Variants in TARS1 observed in about 807,000 individuals in gnomAD.
TARS1 encodes the protein threonyl-tRNA synthetase 1.
Under a neutral mutation model 97.7 loss-of-function variants are expected in TARS1, and 57 were observed. The observed-to-expected ratio is 0.58, with a 90% CI of 0.47 to 0.73. The LOEUF (loss-of-function observed/expected upper bound fraction) is 0.73, where lower values mean the gene tolerates loss of function less well. Among genes scored for constraint, TARS1 ranks in the 30% least tolerant of loss-of-function variants. The pLI, the probability that TARS1 is intolerant of heterozygous loss-of-function variation, is 0.00. For synonymous variants in TARS1, 312 were observed against 293.7 expected (o/e 1.06, Z -0.64); for missense variants, 806 against 888.3 (o/e 0.91, Z 1.18).
In TARS1 at chr5:33,456,082, G is replaced by A; in HGVS notation, c.758+16G>A. ...CAGTCTATAGGTAAGAATATTAGAT[G>A]TCATTAAATGTATCTGGTATGTATG... On this transcript the variant is annotated intron_variant, in intron 7 of 18. Coordinates refer to ENST00000265112, the MANE Select transcript of TARS1 (RefSeq NM_152295.5). 6.2e-7 allele frequency: 1 copy of A among 1,612,326 alleles called. No individual in the cohort carries two copies. Among genetic ancestry groups the A allele is most frequent in the Middle Eastern group, 1.7e-4 (1 of 6,050 alleles).
rs751129523 is a variant in TARS1, at chr5:33,456,219, A to T, written c.829A>T (p.Ile277Leu). Residue 277 changes from isoleucine (I) to leucine (L), a missense_variant, in exon 8 of 19, where the codon ATA becomes TTA. Physicochemically the swap from Ile to Leu is conservative, Grantham distance 5. Around this residue, in one of 3 missense-constraint regions of TARS1, gnomAD observed 356 missense variants for 357.8 expected, o/e 0.99. Coordinates refer to ENST00000265112, the MANE Select transcript of TARS1 (RefSeq NM_152295.5). ...RHTGKIKALK[I>L]HKNSSTYWEG... ...CACGGGCAAAATTAAGGCTTTAAAAATACACAAAGTAAGTAATGTAACTTT... is the reference window on the plus strand; with the variant it reads ...CACGGGCAAAATTAAGGCTTTAAAATTACACAAAGTAAGTAATGTAACTTT... 1.9e-6 allele frequency: 3 copies of T among 1,612,422 alleles called. No homozygotes were observed. The highest frequency in any genetic ancestry group is 1.7e-6 in the Non-Finnish European group (2 of 1,178,598).
At chr5:33,462,269 C>T (rs973843860) in intron 16 of TARS1, 66 bp downstream of exon 16, 30 of 1,377,032 alleles carry the variant, frequency 2.2e-5, no homozygotes, top group Middle Eastern at 2.5e-4. Context: ...GTCTACTTTT[C>T]GATTTAATTA....
intron 11 of TARS1, 129 bp downstream of exon 11, chr5:33,459,990 T>A: frequency 2.1e-6 from 2 of 958,814 alleles, no homozygotes; most frequent in Non-Finnish European, 3.0e-6. Flanking sequence ...AAACGCAACA[T>A]CTTTGTATTA....
intron 16 of TARS1, among the ~76,000 whole-genome samples, chr5:33,462,989 A>T (rs959593965): frequency 6.6e-6 from 1 of 152,240 alleles, no homozygotes; most frequent in Non-Finnish European, 1.5e-5. Context: ...TCAAAGTCAG[A>T]TAAAATGTGA....
chr5:33,441,220 G>C (rs1741075859), intron 1 of TARS1, 77 bp downstream of exon 1: 1 of 1,578,992 alleles, frequency 6.3e-7, no homozygotes, highest in Non-Finnish European at 8.7e-7. Context: ...GGCGGGAGCG[G>C]GGGGCAGGAA....
chr5:33,461,046 A>G lies in TARS1; in HGVS notation c.1395A>G (p.Ile465Met), dbSNP rs542606428. Residue 465 changes from isoleucine (I) to methionine (M), a missense_variant, in exon 12 of 19, where the codon ATA becomes ATG. Coordinates refer to ENST00000265112, the MANE Select transcript of TARS1 (RefSeq NM_152295.5). ...GATTCCAACAGGATGATGCTCACAT[A>G]TTCTGTGCCATGGAGCAGGTATGAG... is the stretch of plus-strand genomic sequence containing the variant. ...VRRFQQDDAH[I>M]FCAMEQIEDE... 1.7e-5 allele frequency: 27 copies of G among 1,614,176 alleles called. No homozygotes were observed. The South Asian group carries it at 2.9e-4, about 17-fold the overall frequency.
At chr5:33,447,777 T>A (rs1275230671) in intron 2 of TARS1, among the ~76,000 whole-genome samples, 1 of 152,232 alleles carries the variant, frequency 6.6e-6, no homozygotes, top group African/African-American at 2.4e-5. Flanking sequence ...TATGAAGTGT[T>A]AATGTTCATG....
chr5:33,461,677 A>G lies in TARS1; in HGVS notation c.1562A>G (p.Asn521Ser), dbSNP rs758652016. 10 of 1,613,882 alleles carry G rather than the reference A, an allele frequency of 6.2e-6. No homozygotes were observed. The highest frequency in any genetic ancestry group is 2.2e-5 in the East Asian group (1 of 44,884). The part of the protein sequence containing the change: ...VWDQAEKQLE[N>S]SLNEFGEKWE... ...TTGCTTTATCCTCAGCAACTTGAAA[A>G]CAGTCTGAATGAATTTGGTGAAAAG... The change falls in exon 14 of 19, where the codon AAC (asparagine) becomes AGC (serine). Residue 521 changes from asparagine (N) to serine (S), a missense_variant. This residue lies in a region of TARS1 where 446 missense variants were observed against 511.0 expected (regional missense o/e 0.87). Coordinates refer to ENST00000265112, the MANE Select transcript of TARS1 (RefSeq NM_152295.5).
intron 1 of TARS1, chr5:33,441,370 C>A: frequency 1.8e-6 from 1 of 564,250 alleles, no homozygotes; most frequent in Non-Finnish European, 3.2e-6. Context: ...ATTCTCTTTA[C>A]AGATGAGGAA....
chr5:33,446,475 CAAAG>C (rs1741422984), intron 2 of TARS1: 1 of 362,958 alleles, frequency 2.8e-6, no homozygotes. Context: ...GGAAATAAGA[CAAAG>C]AGTATAATTA....
At chr5:33,455,273 T>G (rs1170156198) in intron 5 of TARS1, among the ~76,000 whole-genome samples, 1 of 152,006 alleles carries the variant, frequency 6.6e-6, no homozygotes, top group African/African-American at 2.4e-5. Context: ...GGAGGTAGAG[T>G]CCTAAGGTAT....
intron 4 of TARS1, 51 bp from the exon 5 acceptor site, chr5:33,454,894 G>T: frequency 6.3e-7 from 1 of 1,580,462 alleles, no homozygotes; most frequent in Non-Finnish European, 8.6e-7. Context: ...ACATTAATTG[G>T]CAACTTGTAT....
rs1334362284 is a variant in TARS1 at position 33,458,629 on chromosome 5, G to A, written c.1048G>A (p.Ala350Thr). The change falls in exon 10 of 19, where the codon GCC becomes ACC. Residue 350 changes from alanine to threonine, a missense_variant. Ala to Thr is a moderately conservative substitution (Grantham distance 58). Transcript: ENST00000265112. The stretch of plus-strand genomic sequence containing the variant: ...AAGTTGCTTTTTTCTGCCAAAAGGA[G>A]CCTACATTTATAATGCACTTATTGA... ...PGSCFFLPKG[A>T]YIYNALIEFI... 4 of 1,613,610 alleles carry A rather than the reference G, an allele frequency of 2.5e-6. No individual in the cohort carries two copies. Among genetic ancestry groups the A allele is most frequent in the Admixed American group, 1.7e-5 (1 of 60,010 alleles).
Position 33,446,627 on chromosome 5 carries a change from C to G in TARS1, c.138+1223C>G, listed in dbSNP as rs771730221. 38 of 1,250,910 alleles carry G rather than the reference C, an allele frequency of 3.0e-5. No individual in the cohort carries two copies. The South Asian group carries it at 4.1e-4, about 14-fold the overall frequency. 77.5% of individuals were successfully genotyped at this position (1,250,910 alleles called of 1,614,324 possible). ...CCAAGGGCAACTTGCAGGTTTTATT[C>G]ATCTCTGCAATCACAGAGACTGACA... On this transcript the variant is annotated intron_variant, in intron 2 of 18. Transcript: ENST00000265112.
In TARS1 at chr5:33,441,072, C is replaced by G; in HGVS notation, c.-15C>G. 1 of 1,614,178 alleles carries G rather than the reference C, an allele frequency of 6.2e-7. No individual in the cohort carries two copies. The highest frequency in any genetic ancestry group is 8.5e-7 in the Non-Finnish European group (1 of 1,180,018). Reference sequence around the variant, plus strand: ...CCGTCGCTTTCGGGTTCTCTCATCGCTTCGTCGTTCGCCAATGTTTGAGGA... The same window carrying G: ...CCGTCGCTTTCGGGTTCTCTCATCGGTTCGTCGTTCGCCAATGTTTGAGGA... On this transcript the variant is annotated 5_prime_UTR_variant, in exon 1 of 19. Coordinates refer to ENST00000265112, the MANE Select transcript of TARS1 (RefSeq NM_152295.5).
intron 17 of TARS1, 63 bp from the exon 18 acceptor site, chr5:33,466,808 A>G (rs1294746144): frequency 1.7e-6 from 2 of 1,190,534 alleles, no homozygotes; most frequent in African/African-American, 3.1e-5. Flanking sequence ...CAGTAAAATC[A>G]TGTGAGATCA....
At chr5:33,452,204 TAA>T (rs1741778593) in intron 3 of TARS1, 1 of 686,104 alleles carries the variant, frequency 1.5e-6, no homozygotes, top group Non-Finnish European at 2.5e-6. Context: ...ATTTACAGTG[TAA>T]AGGGTGTATA....
At chr5:33,452,787 G>A (rs757607311) in intron 3 of TARS1, among the ~76,000 whole-genome samples, 4 of 149,780 alleles carry the variant, frequency 2.7e-5, no homozygotes, top group Non-Finnish European at 3.0e-5. Context: ...TTTTTCCTTT[G>A]GAGTCTACAT....
chr5:33,449,485 C>G (rs1028513006), intron 3 of TARS1, among the ~76,000 whole-genome samples: 28 of 100,066 alleles, frequency 2.8e-4, no homozygotes, highest in African/African-American at 1.1e-3. Flanking sequence ...CAGAGTCTTG[C>G]TCTGTTGCCC....
Sources: gnomAD v4.1 joint callset for allele counts (sites outside exome capture counted in the v4.1 genomes callset) on GRCh38, gnomAD v4.1.1 for gene constraint, gnomAD v4.1.1 regional missense constraint, MANE v1.5 for transcripts, NCBI Gene and HGNC (gene_info 2026-07-23, HGNC 2026-07-21) for gene names.